The following CENPI variants were observed in gnomAD, a reference collection of about 807,000 sequenced individuals.
CENPI encodes the protein centromere protein I, also known as FSH primary response 1.
A neutral mutation model predicts 60.4 loss-of-function variants in CENPI; 4 were observed. The ratio of observed to expected loss-of-function variants is 0.07; its 90% CI spans 0.03 to 0.15. CENPI has a LOEUF of 0.15. CENPI is among the 10% of genes least tolerant of loss of function. CENPI has a pLI of 1.00. For synonymous variants in CENPI, 157 were observed against 189.4 expected (o/e 0.83, Z 1.40); for missense variants, 444 against 534.5 (o/e 0.83, Z 1.67).
At chrX:101,172,432 A>G in the CENPI span, among the ~76,000 whole-genome samples, 1 of 111,483 alleles carries the variant, frequency 9.0e-6, no homozygotes, top group African/African-American at 3.3e-5. Context: ...AAAGTATGCT[A>G]TACCCATTTC....
Position 101,127,339 on chromosome X carries a change from AGAG to A in CENPI, c.906+77_906+79del, listed in dbSNP as rs199812288. The stretch of plus-strand genomic sequence containing the variant: ...TCCAAATAATAACCATTCAGATCTT[AGAG>A]GAGATTATAGATATTTAAGTATATG... On this transcript the variant is annotated intron_variant, in intron 10 of 21. Transcript: ENST00000682095. 969 of 1,031,516 alleles carry A rather than the reference AGAG, an allele frequency of 9.4e-4. 6 individuals are homozygous for A. The African/African-American group carries it at 0.016, about 17-fold the overall frequency. The allele number at this position is 1,031,516 out of a possible 1,213,427, so 85.0% of individuals were successfully genotyped here.
intron 3 of CENPI, among the ~76,000 whole-genome samples, chrX:101,102,071 G>T (rs1252512215): frequency 1.8e-5 from 2 of 111,869 alleles, no homozygotes; most frequent in Non-Finnish European, 3.8e-5. Context: ...ATGGAGTCTT[G>T]TCATGTTGCC....
intron 16 of CENPI, among the ~76,000 whole-genome samples, chrX:101,144,430 G>C (rs1300341011): frequency 3.9e-5 from 4 of 102,924 alleles, no homozygotes; most frequent in Non-Finnish European, 7.9e-5. Context: ...TGTCACTCAG[G>C]CTAGAGTGAG....
chrX:101,120,136 G>A (rs1474469829), intron 6 of CENPI, among the ~76,000 whole-genome samples: 1 of 112,204 alleles, frequency 8.9e-6, no homozygotes, highest in Non-Finnish European at 1.9e-5. Context: ...GTAGGAGGAT[G>A]ATAGGTAATT....
intron 13 of CENPI, among the ~76,000 whole-genome samples, chrX:101,130,340 A>C (rs886739164): frequency 1.1e-4 from 12 of 111,454 alleles, no homozygotes; most frequent in African/African-American, 2.9e-4. Context: ...AGGATGAGGT[A>C]GGAGGATCAC....
chrX:101,101,004 GA>G (rs749116569), intron 2 of CENPI, 53 bp from the exon 3 acceptor site: 1 of 867,005 alleles, frequency 1.2e-6, no homozygotes, highest in Non-Finnish European at 1.7e-6. Flanking sequence ...TCTCTGTGGA[GA>G]AAAAAGGACT....
the CENPI span, among the ~76,000 whole-genome samples, chrX:101,179,674 C>T: frequency 9.0e-6 from 1 of 111,551 alleles, no homozygotes; most frequent in Middle Eastern, 4.2e-3. Flanking sequence ...GCGCCTGCCA[C>T]ATGCCCAGAT....
intron 6 of CENPI, among the ~76,000 whole-genome samples, chrX:101,112,770 G>T (rs2089569113): frequency 9.0e-6 from 1 of 110,558 alleles, no homozygotes; most frequent in Non-Finnish European, 1.9e-5. Flanking sequence ...CCCGCCTCGG[G>T]TTCCCAACGT....
chrX:101,133,188 T>C (rs1341234437), intron 15 of CENPI, among the ~76,000 whole-genome samples: 1 of 111,132 alleles, frequency 9.0e-6, no homozygotes, highest in Non-Finnish European at 1.9e-5. Context: ...ATTAATTACC[T>C]ATCATATTAA....
At position 101,124,340 on chromosome X, in the gene CENPI, TC is replaced by T. The variant is rs751621085; in HGVS notation, c.688-2368del. Among the ~76,000 whole-genome samples, 7 of 110,930 alleles carry T rather than the reference TC, an allele frequency of 6.3e-5. No individual in the cohort carries two copies. The East Asian group carries it at 2.0e-3, about 31-fold the overall frequency. On this transcript the variant is annotated intron_variant, in intron 8 of 21. Coordinates refer to ENST00000682095, the MANE Select transcript of CENPI (RefSeq NM_001386188.2). Reference sequence around the variant, plus strand: ...AGTCTGTTGGACATTTTCTTCTTCTTCTGGGACCTCTTCTATTCAGGCTGTC... The same window carrying T: ...AGTCTGTTGGACATTTTCTTCTTCTTTGGGACCTCTTCTATTCAGGCTGTC...
chrX:101,159,595 A>G (rs1381679776), intron 20 of CENPI, among the ~76,000 whole-genome samples: 1 of 110,807 alleles, frequency 9.0e-6, no homozygotes, highest in Non-Finnish European at 1.9e-5. Context: ...AGTAGCTGGA[A>G]TTATGTGCAT....
intron 6 of CENPI, among the ~76,000 whole-genome samples, chrX:101,115,390 G>A (rs1018339612): frequency 1.8e-5 from 2 of 109,437 alleles, no homozygotes; most frequent in African/African-American, 6.7e-5. Context: ...CCTGGGTAAC[G>A]AGCGAGACTC....
downstream of CENPI, among the ~76,000 whole-genome samples, chrX:101,166,402 T>C (rs2090144498): frequency 8.9e-6 from 1 of 112,644 alleles, no homozygotes; most frequent in South Asian, 3.7e-4. Flanking sequence ...GATCCACCCG[T>C]CTCGGCCTCC....
At chrX:101,161,250 A>G (rs2090105234) in intron 20 of CENPI, among the ~76,000 whole-genome samples, 1 of 111,943 alleles carries the variant, frequency 8.9e-6, no homozygotes, top group Non-Finnish European at 1.9e-5. Context: ...TGTCCTCCCA[A>G]AGTGTTGAGA....
chrX:101,138,037 G>C (rs1466511251), intron 15 of CENPI, among the ~76,000 whole-genome samples: 2 of 66,991 alleles, frequency 3.0e-5, no homozygotes, highest in Non-Finnish European at 5.9e-5. Flanking sequence ...GCCCAGGCTG[G>C]AGTGCAATGG....
the CENPI span, among the ~76,000 whole-genome samples, chrX:101,180,654 C>T: frequency 1.8e-5 from 2 of 112,241 alleles, no homozygotes; most frequent in South Asian, 7.4e-4. Flanking sequence ...GGTGTAATGT[C>T]TCAGAAACTG....
At chrX:101,139,857 A>C (rs1239693169) in intron 15 of CENPI, among the ~76,000 whole-genome samples, 5 of 105,058 alleles carry the variant, frequency 4.8e-5, no homozygotes, top group Non-Finnish European at 9.8e-5. Flanking sequence ...TTTTTTGAGA[A>C]AGAGTCTCAC....
intron 15 of CENPI, among the ~76,000 whole-genome samples, chrX:101,139,819 T>TG (rs1447692302): frequency 6.7e-5 from 4 of 59,769 alleles, no homozygotes; most frequent in East Asian, 3.6e-4. Context: ...CATTATTGTA[T>TG]GTTTTTTTTT....
chrX:101,150,810 T>C (rs1251191082), intron 20 of CENPI, among the ~76,000 whole-genome samples: 1 of 111,403 alleles, frequency 9.0e-6, no homozygotes, highest in Non-Finnish European at 1.9e-5. Context: ...TTGCTTTTTG[T>C]TTTTTCCATC....
Sources: allele counts gnomAD v4.1 joint callset (sites outside exome capture counted in the v4.1 genomes callset), GRCh38; gene constraint gnomAD v4.1.1; transcripts MANE v1.5; gene names NCBI Gene and HGNC (gene_info 2026-07-23, HGNC 2026-07-21).